The following LRP1B variants were observed in gnomAD, a reference collection of about 807,000 sequenced individuals.
LRP1B encodes LDL receptor related protein 1B, also known as low-density lipoprotein receptor-related protein 1B.
Under a neutral mutation model 556.6 loss-of-function variants are expected in LRP1B, and 217 were observed. That is an observed-to-expected ratio of 0.39 (90% CI 0.35 to 0.44). The LOEUF (loss-of-function observed/expected upper bound fraction) is 0.44. Ranked by LOEUF, LRP1B falls within the 20% of genes least tolerant of loss-of-function variation. The probability of loss-of-function intolerance (pLI) is 1.00; values close to 1 mark genes in which losing one functional copy is unlikely to be tolerated. For missense variants in LRP1B, 5,053 were observed against 5,620.8 expected (o/e 0.90, Z 3.23); for synonymous variants, 2,047 against 1,865.8 (o/e 1.10, Z -2.50).
At chr2:141,251,144 A>G (rs931101395) in intron 4 of LRP1B, among the ~76,000 whole-genome samples, 3 of 152,132 alleles carry the variant, frequency 2.0e-5, no homozygotes, top group Non-Finnish European at 4.4e-5. Flanking sequence ...AATGATACAT[A>G]AATAGGAAGA....
intron 60 of LRP1B, among the ~76,000 whole-genome samples, chr2:140,471,817 C>T (rs1687781463): frequency 6.6e-6 from 1 of 152,108 alleles, no homozygotes; most frequent in Non-Finnish European, 1.5e-5. Context: ...CAATCTGGCC[C>T]CAATTTGCCC....
At chr2:141,928,542 C>T (rs371880230) in intron 1 of LRP1B, among the ~76,000 whole-genome samples, 1 of 152,062 alleles carries the variant, frequency 6.6e-6, no homozygotes, top group Non-Finnish European at 1.5e-5. Context: ...AATTTACAGA[C>T]CTACTGCTAT....
chr2:140,560,703 T>G lies in LRP1B; in HGVS notation c.7195-18732A>C, dbSNP rs553168997. Among the ~76,000 whole-genome samples the G allele has an allele frequency of 1.8e-4, 27 of 152,300 alleles. No homozygotes were observed. The South Asian group carries it at 2.9e-3, about 16-fold the overall frequency. On this transcript the variant is annotated intron_variant, in intron 43 of 90. Transcript: ENST00000389484. ...TTATGATATAAATTCTACCCTGACTTATCTATAATACAGTAAAATCCCATT... is the reference window on the plus strand; with the variant it reads ...TTATGATATAAATTCTACCCTGACTGATCTATAATACAGTAAAATCCCATT...
At chr2:142,027,687 C>T (rs1161242574) in intron 1 of LRP1B, among the ~76,000 whole-genome samples, 1 of 148,926 alleles carries the variant, frequency 6.7e-6, no homozygotes, top group African/African-American at 2.5e-5. Context: ...CACACACACA[C>T]ACACACACAC....
chr2:142,020,135 T>C (rs982230843), intron 1 of LRP1B, among the ~76,000 whole-genome samples: 4 of 152,016 alleles, frequency 2.6e-5, no homozygotes, highest in Non-Finnish European at 5.9e-5. Context: ...GGGCTTAGAG[T>C]ACAGGCAATC....
intron 7 of LRP1B, among the ~76,000 whole-genome samples, chr2:141,162,076 ATAT>A (rs1459896189): frequency 6.6e-6 from 1 of 152,088 alleles, no homozygotes; most frequent in African/African-American, 2.4e-5. Flanking sequence ...GTTCCTAGGC[ATAT>A]TATGTCTCTC....
chr2:141,291,303 A>G (rs2105409139), intron 3 of LRP1B, among the ~76,000 whole-genome samples: 1 of 152,318 alleles, frequency 6.6e-6, no homozygotes, highest in Admixed American at 6.5e-5. Flanking sequence ...GAGTTTTTAT[A>G]GAACATTTTA....
chr2:140,908,681 T>A (rs567821062), intron 21 of LRP1B, among the ~76,000 whole-genome samples: 37 of 152,258 alleles, frequency 2.4e-4, no homozygotes, highest in African/African-American at 8.4e-4. Context: ...CTAACATGTA[T>A]AGACGGAATT....
intron 2 of LRP1B, among the ~76,000 whole-genome samples, chr2:141,750,552 CT>C (rs1694071543): frequency 6.6e-6 from 1 of 152,126 alleles, no homozygotes; most frequent in South Asian, 2.1e-4. Context: ...TATTTTATTA[CT>C]GTATTCACAC....
intron 1 of LRP1B, among the ~76,000 whole-genome samples, chr2:141,993,888 C>A (rs1023673441): frequency 9.7e-5 from 14 of 144,938 alleles, no homozygotes; most frequent in Admixed American, 9.3e-4. Flanking sequence ...GCTCTTGTAT[C>A]CACACTGCTA....
At chr2:141,270,370 AGC>A (rs1685043453) in intron 3 of LRP1B, among the ~76,000 whole-genome samples, 1 of 152,128 alleles carries the variant, frequency 6.6e-6, no homozygotes, top group Non-Finnish European at 1.5e-5. Flanking sequence ...AAAATGGTGC[AGC>A]CACTATGGAA....
intron 7 of LRP1B, among the ~76,000 whole-genome samples, chr2:141,102,987 C>G (rs1038677878): frequency 3.3e-5 from 5 of 151,992 alleles, no homozygotes; most frequent in Admixed American, 6.6e-5. Flanking sequence ...CATCCTTATC[C>G]TATAATAAAG....
At chr2:141,810,435 A>G (rs1438663851) in intron 1 of LRP1B, 34 bp from the exon 2 acceptor site, 1 of 1,608,736 alleles carries the variant, frequency 6.2e-7, no homozygotes, top group Admixed American at 1.7e-5. Context: ...TAAAATATGA[A>G]TGATCTGAAC....
intron 2 of LRP1B, among the ~76,000 whole-genome samples, chr2:141,491,235 A>G (rs559127286): frequency 4.3e-4 from 66 of 152,266 alleles, no homozygotes; most frequent in African/African-American, 1.6e-3. Context: ...ATGAATCAGA[A>G]AGAAGATGCT....
chr2:141,879,275 TA>T (rs1236406018), intron 1 of LRP1B, among the ~76,000 whole-genome samples: 4 of 151,952 alleles, frequency 2.6e-5, no homozygotes, highest in South Asian at 2.1e-4. Flanking sequence ...TTCTGATATC[TA>T]AAAATATACT....
rs1243222284 is a variant in LRP1B, at chr2:142,115,836, TATGTAATATATATATATAC to T, written c.82+14793_82+14811del. On this transcript the variant is annotated intron_variant, in intron 1 of 90. Transcript: ENST00000389484. ...ATATATATGTAATATATATCATATATATGTAATATATATATATACATATATATATATATGGGGGAAGTGA... is the reference window on the plus strand; with the variant it reads ...ATATATATGTAATATATATCATATATATATATATATATATGGGGGAAGTGA... 2.7e-3 allele frequency among the ~76,000 whole-genome samples: 18 copies of T among 6,734 alleles called. 6 individuals carry two copies. The highest frequency in any genetic ancestry group is 6.2e-3 in the African/African-American group (18 of 2,926). The allele number at this position is 6,734 out of a possible 152,430, so 4.4% of individuals were successfully genotyped here. A position where few individuals can be genotyped will look rare whatever the true frequency, so the allele number is the denominator to read the frequency against.
At chr2:141,812,147 T>C (rs1696379538) in intron 1 of LRP1B, among the ~76,000 whole-genome samples, 2 of 152,098 alleles carry the variant, frequency 1.3e-5, no homozygotes. Context: ...TATGCTTGAA[T>C]GCTAGAGGAG....
chr2:141,085,645 G>A (rs1205588583), intron 7 of LRP1B, among the ~76,000 whole-genome samples: 1 of 152,152 alleles, frequency 6.6e-6, no homozygotes, highest in Admixed American at 6.5e-5. Context: ...AATTTCTGTT[G>A]TTTAAGCCAC....
intron 69 of LRP1B, among the ~76,000 whole-genome samples, 196 bp from the exon 70 acceptor site, chr2:140,371,481 G>A (rs1682992028): frequency 1.3e-5 from 2 of 150,718 alleles, no homozygotes; most frequent in Non-Finnish European, 3.0e-5. Flanking sequence ...TAATATTATT[G>A]CATTATATTA....
Sources: gnomAD v4.1 joint callset for allele counts (sites outside exome capture counted in the v4.1 genomes callset) on GRCh38, gnomAD v4.1.1 for gene constraint, MANE v1.5 for transcripts, NCBI Gene and HGNC (gene_info 2026-07-23, HGNC 2026-07-21) for gene names.